Variants in GRPR observed in about 807,000 individuals in gnomAD.
The protein encoded by GRPR is gastrin releasing peptide receptor, also known as gastrin-releasing peptide receptor.
GRPR carries 4 observed loss-of-function variants against 15.6 expected under a neutral mutation model. The ratio of observed to expected loss-of-function variants is 0.26; its 90% CI spans 0.13 to 0.59. The LOEUF (loss-of-function observed/expected upper bound fraction) is 0.59. Ranked by LOEUF, GRPR falls within the 20% of genes least tolerant of loss-of-function variation. GRPR has a pLI of 0.90. For synonymous variants in GRPR, 128 were observed against 126.8 expected, an observed-to-expected ratio of 1.01 and a Z score of -0.06; for missense variants, 270 against 304.1, an observed-to-expected ratio of 0.89 and a Z score of 0.83.
At chrX:16,144,288 G>A (rs768819787) in intron 1 of GRPR, among the ~76,000 whole-genome samples, 3 of 111,861 alleles carry the variant, frequency 2.7e-5, no homozygotes, top group Non-Finnish European at 5.6e-5. Context: ...ATTCTCAGGA[G>A]AAAATAAAGC....
chrX:16,144,176 G>A (rs1922570748), intron 1 of GRPR, among the ~76,000 whole-genome samples: 1 of 112,394 alleles, frequency 8.9e-6, no homozygotes, highest in Admixed American at 9.4e-5. Flanking sequence ...CTCCATTTGT[G>A]GAGTAATAGC....
chrX:16,126,745 T>C (rs1402410805), intron 1 of GRPR, among the ~76,000 whole-genome samples: 3 of 112,455 alleles, frequency 2.7e-5, no homozygotes, highest in African/African-American at 9.7e-5. Context: ...CTCTGTGATA[T>C]TCACCTGTAT....
chrX:16,126,936 A>G (rs1268219743), intron 1 of GRPR, among the ~76,000 whole-genome samples: 1 of 111,324 alleles, frequency 9.0e-6, no homozygotes, highest in Non-Finnish European at 1.9e-5. Flanking sequence ...ATAAGTGTTT[A>G]TTTTTCTTGG....
At chrX:16,149,099 C>T (rs1485656322) in intron 1 of GRPR, among the ~76,000 whole-genome samples, 1 of 111,965 alleles carries the variant, frequency 8.9e-6, no homozygotes, top group Admixed American at 9.4e-5. Context: ...GCAATTTCCA[C>T]CCAAAGCAGG....
rs57890075 is a variant in GRPR at position 16,125,761 on chromosome X, T to C, written c.413+1395T>C. 7.5e-3 allele frequency among the ~76,000 whole-genome samples: 833 copies of C among 111,581 alleles called. 11 individuals carry two copies. Among genetic ancestry groups the C allele is most frequent in the African/African-American group, 0.025 (771 of 30,709 alleles). On this transcript the variant is annotated intron_variant, in intron 1 of 2. Coordinates refer to ENST00000380289, the MANE Select transcript of GRPR (RefSeq NM_005314.3). Reference sequence around the variant, plus strand: ...CATTGTACCGACTGGACAGAGTTTCTCCATTCCCTCCATTCCCCTTCGGCT... The same window carrying C: ...CATTGTACCGACTGGACAGAGTTTCCCCATTCCCTCCATTCCCCTTCGGCT...
rs1376684510 is a variant in GRPR, at chrX:16,123,886, C to G, written c.-68C>G. 11 of 890,048 alleles carry G rather than the reference C, an allele frequency of 1.2e-5. No individual in the cohort carries two copies. The African/African-American group carries it at 2.0e-4, about 16-fold the overall frequency. 73.3% of individuals were successfully genotyped at this position (890,048 alleles called of 1,213,427 possible). A position where few individuals can be genotyped will look rare whatever the true frequency, so the allele number is the denominator to read the frequency against. On this transcript the variant is annotated 5_prime_UTR_variant, in exon 1 of 3. Transcript: ENST00000380289. Reference sequence around the variant, plus strand: ...CATAGATCTTATCTTCATCTTCACTCGGTTGCAAAATCAATAGTTAAGAAA... The same window carrying G: ...CATAGATCTTATCTTCATCTTCACTGGGTTGCAAAATCAATAGTTAAGAAA...
At chrX:16,138,536 AC>A (rs989302391) in intron 1 of GRPR, among the ~76,000 whole-genome samples, 6 of 112,062 alleles carry the variant, frequency 5.4e-5, no homozygotes, top group African/African-American at 1.6e-4. Flanking sequence ...TGAATGAAAA[AC>A]GTCCTTCAAA....
intron 1 of GRPR, among the ~76,000 whole-genome samples, chrX:16,133,261 G>T (rs1922403823): frequency 9.0e-6 from 1 of 111,509 alleles, no homozygotes; most frequent in Non-Finnish European, 1.9e-5. Flanking sequence ...CTACAAATTG[G>T]AACTTTCCTA....
intron 1 of GRPR, among the ~76,000 whole-genome samples, chrX:16,135,046 A>G (rs1046885961): frequency 9.0e-6 from 1 of 111,511 alleles, no homozygotes; most frequent in East Asian, 2.8e-4. Flanking sequence ...CTACCTATTC[A>G]GGCCTATGGG....
intron 1 of GRPR, among the ~76,000 whole-genome samples, chrX:16,147,647 T>C (rs1456096757): frequency 1.8e-5 from 2 of 112,150 alleles, no homozygotes; most frequent in Non-Finnish European, 3.8e-5. Flanking sequence ...CTAGTAAAAC[T>C]ATAAATGCTT....
chrX:16,143,625 TTC>T (rs1382132500), intron 1 of GRPR, among the ~76,000 whole-genome samples: 3 of 112,298 alleles, frequency 2.7e-5, no homozygotes, highest in Non-Finnish European at 5.6e-5. Flanking sequence ...TTTATTCCAC[TTC>T]TCCCCAGTCT....
chrX:16,137,766 A>G (rs759839576), intron 1 of GRPR, among the ~76,000 whole-genome samples: 2 of 111,724 alleles, frequency 1.8e-5, no homozygotes, highest in African/African-American at 6.5e-5. Context: ...GACTGGGAGC[A>G]TGGCAGGGGA....
chrX:16,138,410 T>TG (rs1276734590), intron 1 of GRPR, among the ~76,000 whole-genome samples: 1 of 112,073 alleles, frequency 8.9e-6, no homozygotes, highest in African/African-American at 3.2e-5. Context: ...AAGGAAAAAT[T>TG]GGAAGGAAAT....
intron 1 of GRPR, among the ~76,000 whole-genome samples, chrX:16,146,857 C>G (rs185677556): frequency 4.5e-4 from 51 of 112,430 alleles, no homozygotes; most frequent in Non-Finnish European, 8.5e-4. Context: ...ACCCAAAGCT[C>G]TCTTCTGAAA....
intron 2 of GRPR, among the ~76,000 whole-genome samples, chrX:16,151,176 T>C (rs1389058761): frequency 8.9e-6 from 1 of 112,172 alleles, no homozygotes; most frequent in African/African-American, 3.2e-5. Flanking sequence ...CAGATAGGCT[T>C]ATAATCCCTA....
At position 16,130,531 on chromosome X, in the gene GRPR, G is replaced by A. The variant is rs6632768; in HGVS notation, c.413+6165G>A. Among the ~76,000 whole-genome samples, 668 of 112,176 alleles carry A rather than the reference G, an allele frequency of 6.0e-3. 7 individuals are homozygous for A. The highest frequency in any genetic ancestry group is 0.021 in the African/African-American group (639 of 30,891). On this transcript the variant is annotated intron_variant, in intron 1 of 2. Coordinates refer to ENST00000380289, the MANE Select transcript of GRPR (RefSeq NM_005314.3). The stretch of plus-strand genomic sequence containing the variant: ...GAGTCTGATTCCATTTCCCTTTTCT[G>A]GACAGTGGGAGCTACTGATGCCAAA...
chrX:16,124,169 A>T lies in GRPR; in HGVS notation c.216A>T (p.Arg72=), dbSNP rs995761931. The T allele has an allele frequency of 8.3e-7, 1 of 1,208,404 alleles. No individual in the cohort carries two copies. Among genetic ancestry groups the T allele is most frequent in the Non-Finnish European group, 1.1e-6 (1 of 893,737 alleles). Residue 72 remains arginine, a synonymous_variant, in exon 1 of 3, where the codon CGA becomes CGT. Transcript: ENST00000380289. The part of the protein sequence containing the change: ...IKIFCTVKSM[R]NVPNLFISSL... ...TCTTCTGTACAGTCAAGTCCATGCGAAACGTTCCAAACCTGTTCATTTCCA... is the reference window on the plus strand; with the variant it reads ...TCTTCTGTACAGTCAAGTCCATGCGTAACGTTCCAAACCTGTTCATTTCCA...
At position 16,152,439 on chromosome X, in the gene GRPR, G is replaced by C; in HGVS notation, c.949G>C (p.Val317Leu). Reference protein sequence around the residue: ...ARLLAFTNSCVNPFALYLLSK... With the variant: ...ARLLAFTNSCLNPFALYLLSK... ...CCTCCTGGCCTTCACCAACTCCTGCGTGAACCCCTTTGCCCTCTACCTGCT... is the reference window on the plus strand; with the variant it reads ...CCTCCTGGCCTTCACCAACTCCTGCCTGAACCCCTTTGCCCTCTACCTGCT... The change falls in exon 3 of 3, where the codon GTG (valine) becomes CTG (leucine). Residue 317 changes from valine (V) to leucine (L), a missense_variant. This residue lies in a region of GRPR where 133 missense variants were observed against 123.4 expected (regional missense o/e 1.08). Transcript: ENST00000380289. 8.3e-7 allele frequency: 1 copy of C among 1,209,132 alleles called. No homozygotes were observed. Among genetic ancestry groups the C allele is most frequent in the Non-Finnish European group, 1.1e-6 (1 of 893,318 alleles).
At chrX:16,134,523 G>A (rs1922420718) in intron 1 of GRPR, among the ~76,000 whole-genome samples, 1 of 111,821 alleles carries the variant, frequency 8.9e-6, no homozygotes, top group Non-Finnish European at 1.9e-5. Context: ...TTAGGAAGTG[G>A]CATTACATCT....
Sources: gnomAD v4.1 joint callset for allele counts (sites outside exome capture counted in the v4.1 genomes callset) on GRCh38, gnomAD v4.1.1 for gene constraint, gnomAD v4.1.1 regional missense constraint, MANE v1.5 for transcripts, NCBI Gene and HGNC (gene_info 2026-07-23, HGNC 2026-07-21) for gene names.